The following PSIP1 variants were observed in gnomAD, a reference collection of about 807,000 sequenced individuals.
PSIP1 encodes the protein PC4 and SFRS1-interacting protein.
Under a neutral mutation model 74.7 loss-of-function variants are expected in PSIP1, and 19 were observed. That is an observed-to-expected ratio of 0.25 (90% CI 0.18 to 0.37). The LOEUF is 0.37. Among genes scored for constraint, PSIP1 ranks in the 10% least tolerant of loss-of-function variants. PSIP1 has a pLI of 1.00. For missense variants in PSIP1, 601 were observed against 614.3 expected (o/e 0.98, Z 0.23); for synonymous variants, 222 against 195.3 (o/e 1.14, Z -1.14).
At position 15,483,743 on chromosome 9, in the gene PSIP1, G is replaced by A. The variant is rs116044717; in HGVS notation, c.456+2263C>T. Among the ~76,000 whole-genome samples the A allele has an allele frequency of 7.1e-3, 1,086 of 152,102 alleles. 11 individuals are homozygous for A. Among genetic ancestry groups the A allele is most frequent in the African/African-American group, 0.025 (1,017 of 41,468 alleles). ...GTTCACACTGCTTTAAAAAAATGAC[G>A]CATTCTTTGGGAGGCTAAGGAAGGC... On this transcript the variant is annotated intron_variant, in intron 6 of 15. Coordinates refer to ENST00000380733, the MANE Select transcript of PSIP1 (RefSeq NM_033222.5).
At position 15,464,114 on chromosome 9, in the gene PSIP1, T is replaced by A. The variant is rs542820498; in HGVS notation, c.*1406A>T. The A allele has an allele frequency of 4.4e-5, 8 of 180,996 alleles. No individual in the cohort carries two copies. Among genetic ancestry groups the A allele is most frequent in the Non-Finnish European group, 8.3e-5 (7 of 84,488 alleles). 11.2% of individuals were successfully genotyped at this position (180,996 alleles called of 1,614,324 possible). On this transcript the variant is annotated 3_prime_UTR_variant, in exon 16 of 16. Coordinates refer to ENST00000380733, the MANE Select transcript of PSIP1 (RefSeq NM_033222.5). ...AAAACAAGTTTACACGTTGAACTTA[T>A]GGCTTAACTAGAATAAATCTAAGTA...
chr9:15,500,922 C>T (rs1011320915), intron 3 of PSIP1, among the ~76,000 whole-genome samples: 3 of 152,144 alleles, frequency 2.0e-5, no homozygotes, highest in African/African-American at 4.8e-5. Context: ...ATAAATACTA[C>T]TAGAAGTCTT....
intron 3 of PSIP1, among the ~76,000 whole-genome samples, chr9:15,499,679 G>A (rs922437103): frequency 3.3e-5 from 5 of 152,164 alleles, no homozygotes; most frequent in Admixed American, 6.6e-5. Context: ...TTCAAGACCC[G>A]CCTGGCCAAC....
At chr9:15,469,800 G>A in intron 11 of PSIP1, 138 bp downstream of exon 11, 1 of 664,124 alleles carries the variant, frequency 1.5e-6, no homozygotes, top group Non-Finnish European at 2.5e-6. Context: ...TTTATATAAA[G>A]CCCATTAGGG....
rs371188412 is a variant in PSIP1, at chr9:15,483,360, C to G, written c.456+2646G>C. On this transcript the variant is annotated intron_variant, in intron 6 of 15. Coordinates refer to ENST00000380733, the MANE Select transcript of PSIP1 (RefSeq NM_033222.5). ...TAGATTCTAGTTCCCTCCCCCGCCCCCTTTACCATCCACTTCTCATCAACC... is the reference window on the plus strand; with the variant it reads ...TAGATTCTAGTTCCCTCCCCCGCCCGCTTTACCATCCACTTCTCATCAACC... Among the ~76,000 whole-genome samples, 5 of 151,972 alleles carry G rather than the reference C, an allele frequency of 3.3e-5. 1 individual carries two copies. The highest frequency in any genetic ancestry group is 1.3e-4 in the Admixed American group (2 of 15,262).
chr9:15,468,070 G>A (rs187253987), intron 14 of PSIP1, among the ~76,000 whole-genome samples: 437 of 149,842 alleles, frequency 2.9e-3, no homozygotes, highest in Middle Eastern at 7.0e-3. Context: ...GTGGTGAGCC[G>A]AGATCACGCC....
intron 8 of PSIP1, among the ~76,000 whole-genome samples, chr9:15,476,935 T>C (rs540977432): frequency 2.6e-5 from 4 of 152,260 alleles, no homozygotes; most frequent in Admixed American, 2.6e-4. Context: ...AATGACCTTT[T>C]CAGATGCAAC....
chr9:15,508,010 T>C (rs772633015), intron 2 of PSIP1, among the ~76,000 whole-genome samples: 1 of 152,268 alleles, frequency 6.6e-6, no homozygotes, highest in African/African-American at 2.4e-5. Flanking sequence ...ACCCAGTTCA[T>C]ATGCCTCTTT....
intron 7 of PSIP1, among the ~76,000 whole-genome samples, 155 bp downstream of exon 7, chr9:15,479,436 G>A (rs946657397): frequency 3.3e-5 from 5 of 152,118 alleles, no homozygotes; most frequent in African/African-American, 4.8e-5. Context: ...CTTTGAAACA[G>A]AGCACAAATC....
chr9:15,481,196 G>A (rs1035494703), intron 6 of PSIP1, among the ~76,000 whole-genome samples: 10 of 152,112 alleles, frequency 6.6e-5, no homozygotes, highest in African/African-American at 2.4e-4. Context: ...CTCTGAGTCA[G>A]GGAACCAGGA....
chr9:15,465,919 T>G, intron 15 of PSIP1: 1 of 207,088 alleles, frequency 4.8e-6, no homozygotes, highest in Non-Finnish European at 9.6e-6. Flanking sequence ...ACCAACATAT[T>G]TCAAAATCTT....
At chr9:15,506,386 A>T in intron 3 of PSIP1, 175 bp downstream of exon 3, 1 of 438,406 alleles carries the variant, frequency 2.3e-6, no homozygotes. Context: ...AGTAAAAAAT[A>T]AACCTATAGC....
At chr9:15,484,911 CAAAAAAA>C (rs59867087) in intron 6 of PSIP1, among the ~76,000 whole-genome samples, 1,157 of 81,888 alleles carry the variant, frequency 0.014, 14 homozygotes, top group African/African-American at 0.049. Context: ...AGATCCGTCT[CAAAAAAA>C]AAAAAAAAAA....
At chr9:15,479,714 A>T in intron 6 of PSIP1, 27 bp from the exon 7 acceptor site, 3 of 1,584,852 alleles carry the variant, frequency 1.9e-6, no homozygotes. Flanking sequence ...TAATTAACTT[A>T]TTTAGCAAAT....
intron 6 of PSIP1, among the ~76,000 whole-genome samples, chr9:15,484,046 C>T (rs999249706): frequency 1.3e-5 from 2 of 149,640 alleles, no homozygotes; most frequent in Admixed American, 6.7e-5. Context: ...GCAGGAGAAT[C>T]GCTTGAACCC....
chr9:15,484,411 C>T (rs1176363959), intron 6 of PSIP1, among the ~76,000 whole-genome samples: 2 of 151,902 alleles, frequency 1.3e-5, no homozygotes, highest in Non-Finnish European at 2.9e-5. Flanking sequence ...TAAGCCTGGC[C>T]AACATGGTGA....
At chr9:15,492,362 A>G (rs2036870060) in intron 3 of PSIP1, 1 of 152,278 alleles carries the variant, frequency 6.6e-6, no homozygotes, top group Non-Finnish European at 1.5e-5. Flanking sequence ...CTGAAATCTA[A>G]TAGGGGCAGT....
At chr9:15,495,134 A>G (rs1264301855) in intron 3 of PSIP1, among the ~76,000 whole-genome samples, 4 of 152,202 alleles carry the variant, frequency 2.6e-5, no homozygotes, top group South Asian at 4.1e-4. Flanking sequence ...TAAAATCCCC[A>G]AAGGGCTCAA....
chr9:15,475,576 G>T (rs929396089), intron 8 of PSIP1, among the ~76,000 whole-genome samples: 6 of 152,048 alleles, frequency 3.9e-5, no homozygotes, highest in African/African-American at 1.4e-4. Flanking sequence ...TTTTAAAATC[G>T]TCTATCCATA....
Sources: allele counts gnomAD v4.1 joint callset (sites outside exome capture counted in the v4.1 genomes callset), GRCh38; gene constraint gnomAD v4.1.1; transcripts MANE v1.5; gene names NCBI Gene and HGNC (gene_info 2026-07-23, HGNC 2026-07-21).